Variants in GRM1 observed in about 807,000 individuals in gnomAD.
The protein encoded by GRM1 is metabotropic glutamate receptor 1.
A neutral mutation model predicts 90.9 loss-of-function variants in GRM1; 33 were observed. The observed-to-expected ratio is 0.36, with a 90% CI of 0.28 to 0.49. GRM1 has a LOEUF of 0.49. Among genes scored for constraint, GRM1 ranks in the 20% least tolerant of loss-of-function variants. The pLI is 0.99. For synonymous variants in GRM1, 700 were observed against 613.2 expected, an observed-to-expected ratio of 1.14 and a Z score of -2.09; for missense variants, 1,190 against 1,534.3, an observed-to-expected ratio of 0.78 and a Z score of 3.75.
In GRM1 at chr6:146,437,161, T is replaced by G. The variant is rs527683050; in HGVS notation, c.*2365T>G. 6.6e-6 allele frequency: 1 copy of G among 152,312 alleles called. No individual in the cohort carries two copies. The highest frequency in any genetic ancestry group is 2.4e-5 in the African/African-American group (1 of 41,584). 9.4% of individuals were successfully genotyped at this position (152,312 alleles called of 1,614,324 possible). A position where few individuals can be genotyped will look rare whatever the true frequency, so the allele number is the denominator to read the frequency against. ...GGAAAGCATATGATCTCTTTATTAG[T>G]GAATCATGCTTATTTTTTACTCTTA... On this transcript the variant is annotated 3_prime_UTR_variant, in exon 8 of 8. Coordinates refer to ENST00000282753, the MANE Select transcript of GRM1 (RefSeq NM_001278064.2).
intron 1 of GRM1, among the ~76,000 whole-genome samples, chr6:146,035,699 G>A (rs1268793831): frequency 6.6e-6 from 1 of 151,768 alleles, no homozygotes; most frequent in Non-Finnish European, 1.5e-5. Flanking sequence ...TGGTAATCTT[G>A]GAGCCTGTTA....
At chr6:146,265,555 GTTTTTTGTTGCA>G (rs1006359133) in intron 2 of GRM1, among the ~76,000 whole-genome samples, 2 of 152,034 alleles carry the variant, frequency 1.3e-5, no homozygotes, top group African/African-American at 4.8e-5. Flanking sequence ...GTCTATTTTT[GTTTTTTGTTGCA>G]TTTGCTTTTG....
At chr6:146,042,560 G>A (rs775356755) in intron 1 of GRM1, among the ~76,000 whole-genome samples, 3 of 151,896 alleles carry the variant, frequency 2.0e-5, no homozygotes, top group East Asian at 1.9e-4. Flanking sequence ...AGTGAAGTTC[G>A]GGAAAGAGGA....
At chr6:146,224,459 G>A (rs1375726246) in intron 2 of GRM1, among the ~76,000 whole-genome samples, 1 of 152,040 alleles carries the variant, frequency 6.6e-6, no homozygotes, top group Non-Finnish European at 1.5e-5. Flanking sequence ...AAAACTCAGA[G>A]GATGCCATCA....
upstream of GRM1, among the ~76,000 whole-genome samples, chr6:146,028,304 G>T (rs952613857): frequency 1.3e-5 from 2 of 151,358 alleles, no homozygotes; most frequent in East Asian, 3.9e-4. Flanking sequence ...AGAGGAGGGA[G>T]GTTGAAAGAG....
In GRM1 at chr6:146,066,093, G is replaced by T. The variant is rs535908322; in HGVS notation, c.700+35876G>T. Among the ~76,000 whole-genome samples, 6 of 152,170 alleles carry T rather than the reference G, an allele frequency of 3.9e-5. No individual in the cohort carries two copies. In the South Asian group the frequency reaches 8.3e-4, roughly 21 times the overall value. Reference sequence around the variant, plus strand: ...CCAACTTTTATTTTGGAACCAGGGGGTACATGTGCAGATTTCTTACAAAGG... The same window carrying T: ...CCAACTTTTATTTTGGAACCAGGGGTTACATGTGCAGATTTCTTACAAAGG... On this transcript the variant is annotated intron_variant, in intron 1 of 7. Coordinates refer to ENST00000282753, the MANE Select transcript of GRM1 (RefSeq NM_001278064.2).
At chr6:146,383,741 A>G (rs900388660) in intron 5 of GRM1, among the ~76,000 whole-genome samples, 3 of 152,262 alleles carry the variant, frequency 2.0e-5, no homozygotes, top group Middle Eastern at 3.4e-3. Context: ...TAGAGTTTCT[A>G]TCATTTTAAA....
chr6:146,369,680 G>C (rs1003518120), intron 5 of GRM1, among the ~76,000 whole-genome samples: 2 of 151,972 alleles, frequency 1.3e-5, no homozygotes, highest in Non-Finnish European at 2.9e-5. Flanking sequence ...GATCTGAAAA[G>C]ATGTATGATA....
rs118070143 is a variant in GRM1 at position 146,403,085 on chromosome 6, C to T, written c.2660+3386C>T. Among the ~76,000 whole-genome samples, 483 of 151,960 alleles carry T rather than the reference C, an allele frequency of 3.2e-3. 2 individuals are homozygous for T. Among genetic ancestry groups the T allele is most frequent in the Non-Finnish European group, 4.9e-3 (333 of 67,940 alleles). Reference sequence around the variant, plus strand: ...GTAGACTTTAAAATATTGAAAAAATCGATTTATTGGCAATAGAAGAAAATG... The same window carrying T: ...GTAGACTTTAAAATATTGAAAAAATTGATTTATTGGCAATAGAAGAAAATG... On this transcript the variant is annotated intron_variant, in intron 7 of 7. Transcript: ENST00000282753.
In GRM1 at chr6:146,250,117, G is replaced by T. The variant is rs540402065; in HGVS notation, c.951-54494G>T. On this transcript the variant is annotated intron_variant, in intron 2 of 7. Transcript: ENST00000282753. ...TAACTAACTTGTTTTTGATTTTATA[G>T]GCGCATAGGTGGAAGGGGCCTTGTC... is the stretch of plus-strand genomic sequence containing the variant. Among the ~76,000 whole-genome samples, 14 of 152,244 alleles carry T rather than the reference G, an allele frequency of 9.2e-5. No homozygotes were observed. In the South Asian group the frequency reaches 2.9e-3, roughly 32 times the overall value.
intron 5 of GRM1, among the ~76,000 whole-genome samples, chr6:146,381,219 A>G (rs1180947135): frequency 6.6e-6 from 1 of 152,162 alleles, no homozygotes; most frequent in African/African-American, 2.4e-5. Flanking sequence ...AATCCTTATG[A>G]TCTAGACTGC....
At chr6:146,226,386 A>G (rs1780239911) in intron 2 of GRM1, among the ~76,000 whole-genome samples, 2 of 152,168 alleles carry the variant, frequency 1.3e-5, no homozygotes, top group Non-Finnish European at 2.9e-5. Context: ...CAGAATTTTC[A>G]TGCCTTTTGG....
At chr6:146,206,882 T>G (rs1779514237) in intron 2 of GRM1, among the ~76,000 whole-genome samples, 1 of 152,152 alleles carries the variant, frequency 6.6e-6, no homozygotes, top group Non-Finnish European at 1.5e-5. Context: ...TAGCTCCCAC[T>G]TATAAATAAG....
At chr6:146,345,105 C>T (rs1015744034) in intron 3 of GRM1, among the ~76,000 whole-genome samples, 2 of 152,162 alleles carry the variant, frequency 1.3e-5, no homozygotes, top group African/African-American at 4.8e-5. Flanking sequence ...GCCACCAAGC[C>T]CAGCCAAAAT....
intron 2 of GRM1, among the ~76,000 whole-genome samples, chr6:146,255,116 C>T (rs1008735598): frequency 6.6e-6 from 1 of 152,214 alleles, no homozygotes; most frequent in African/African-American, 2.4e-5. Flanking sequence ...TGCACACAAA[C>T]ATCTGCTGTT....
At chr6:146,182,540 G>T (rs1255545262) in intron 2 of GRM1, among the ~76,000 whole-genome samples, 2 of 138,820 alleles carry the variant, frequency 1.4e-5, no homozygotes, top group Non-Finnish European at 3.0e-5. Context: ...ACAATTACTT[G>T]CCCTTTCCTG....
intron 2 of GRM1, among the ~76,000 whole-genome samples, chr6:146,167,029 C>T (rs185489827): frequency 4.3e-4 from 66 of 152,242 alleles, no homozygotes; most frequent in Middle Eastern, 3.4e-3. Flanking sequence ...AATGCTTGCA[C>T]AATGTTTCTT....
chr6:146,427,194 A>G (rs1418352783), intron 7 of GRM1, among the ~76,000 whole-genome samples: 1 of 152,118 alleles, frequency 6.6e-6, no homozygotes, highest in African/African-American at 2.4e-5. Context: ...CACAAAAAGT[A>G]CACTTTACAA....
intron 5 of GRM1, among the ~76,000 whole-genome samples, chr6:146,383,327 CT>C (rs1776387435): frequency 6.6e-6 from 1 of 152,106 alleles, no homozygotes; most frequent in African/African-American, 2.4e-5. Context: ...GCATTATTGT[CT>C]TTTGAATTTG....
Sources: allele counts gnomAD v4.1 joint callset (sites outside exome capture counted in the v4.1 genomes callset), GRCh38; gene constraint gnomAD v4.1.1; transcripts MANE v1.5; gene names NCBI Gene and HGNC (gene_info 2026-07-23, HGNC 2026-07-21).